The following ANKS1B variants were observed in gnomAD, a reference collection of about 807,000 sequenced individuals.
ANKS1B encodes the protein ankyrin repeat and sterile alpha motif domain-containing protein 1B.
In ANKS1B, 36 loss-of-function variants were observed where a neutral mutation model predicts 148.3. The observed-to-expected ratio is 0.24, with a 90% CI of 0.19 to 0.32. The LOEUF is 0.32. Among genes scored for constraint, ANKS1B ranks in the 10% least tolerant of loss-of-function variants. ANKS1B has a pLI of 1.00. For missense variants in ANKS1B, 1,157 were observed against 1,542.6 expected, an observed-to-expected ratio of 0.75 and a Z score of 4.19; for synonymous variants, 542 against 560.8, an observed-to-expected ratio of 0.97 and a Z score of 0.47.
intron 1 of ANKS1B, among the ~76,000 whole-genome samples, chr12:99,830,195 C>G (rs906050773): frequency 5.3e-5 from 8 of 152,186 alleles, no homozygotes; most frequent in African/African-American, 1.7e-4. Flanking sequence ...GATATCATCT[C>G]TTCCTCCAAA....
At chr12:99,360,485 T>G (rs1445543850) in intron 12 of ANKS1B, among the ~76,000 whole-genome samples, 2 of 152,156 alleles carry the variant, frequency 1.3e-5, no homozygotes, top group Non-Finnish European at 2.9e-5. Flanking sequence ...TCACAGCTTC[T>G]CTGTGGACAA....
At chr12:99,615,767 A>G (rs573426293) in intron 9 of ANKS1B, among the ~76,000 whole-genome samples, 1 of 152,318 alleles carries the variant, frequency 6.6e-6, no homozygotes, top group East Asian at 1.9e-4. Flanking sequence ...ACTCCTATGC[A>G]ACACAGTATT....
At chr12:99,182,536 G>A (rs1392614624) in intron 14 of ANKS1B, among the ~76,000 whole-genome samples, 1 of 152,084 alleles carries the variant, frequency 6.6e-6, no homozygotes, top group Non-Finnish European at 1.5e-5. Flanking sequence ...TTGTGTATAT[G>A]TATTACATTT....
intron 22 of ANKS1B, among the ~76,000 whole-genome samples, chr12:98,798,283 G>A (rs940412746): frequency 6.6e-6 from 1 of 151,990 alleles, no homozygotes; most frequent in Non-Finnish European, 1.5e-5. Context: ...CACCATGCCT[G>A]GCTAATTTTT....
At chr12:99,778,015 C>T (rs1334073541) in intron 6 of ANKS1B, among the ~76,000 whole-genome samples, 1 of 151,342 alleles carries the variant, frequency 6.6e-6, no homozygotes, top group East Asian at 2.0e-4. Context: ...TGGCTAACAT[C>T]GTGAAACTCC....
intron 8 of ANKS1B, among the ~76,000 whole-genome samples, chr12:99,736,373 A>AAAC (rs1555576620): frequency 1.3e-4 from 19 of 151,692 alleles, no homozygotes; most frequent in Admixed American, 7.9e-4. Context: ...ACAAAAAAAA[A>AAAC]CTCTTCAAAC....
At chr12:98,992,043 TG>T (rs1158508444) in intron 17 of ANKS1B, among the ~76,000 whole-genome samples, 1 of 152,168 alleles carries the variant, frequency 6.6e-6, no homozygotes, top group Non-Finnish European at 1.5e-5. Context: ...TTGTAGAGAA[TG>T]GGGCAGGGGT....
intron 19 of ANKS1B, among the ~76,000 whole-genome samples, chr12:98,816,740 T>A (rs990884729): frequency 6.6e-6 from 1 of 152,198 alleles, no homozygotes; most frequent in African/African-American, 2.4e-5. Flanking sequence ...TTGCTTTTAA[T>A]CAACGTTTAT....
chr12:99,285,067 T>C (rs2078950900), intron 12 of ANKS1B, among the ~76,000 whole-genome samples: 1 of 152,204 alleles, frequency 6.6e-6, no homozygotes, highest in Non-Finnish European at 1.5e-5. Flanking sequence ...AATTGGCATA[T>C]CTATCATCCA....
rs879173702 is a variant in ANKS1B, at chr12:99,369,791, T to TAGACGGACGGAC, written c.1756+29839_1756+29840insGTCCGTCCGTCT. On this transcript the variant is annotated intron_variant, in intron 12 of 26. Coordinates refer to ENST00000683438, the MANE Select transcript of ANKS1B (RefSeq NM_001352186.2). ...ATAGATAGATAGATAGATAGATAGA[T>TAGACGGACGGAC]GGACGGACGGACAGACGGACGGACG... is the stretch of plus-strand genomic sequence containing the variant. 3.1e-4 allele frequency among the ~76,000 whole-genome samples: 46 copies of TAGACGGACGGAC among 148,892 alleles called. 2 individuals are homozygous for TAGACGGACGGAC. The highest frequency in any genetic ancestry group is 9.4e-4 in the Admixed American group (14 of 14,942).
intron 9 of ANKS1B, among the ~76,000 whole-genome samples, chr12:99,599,009 G>A (rs2153276256): frequency 6.6e-6 from 1 of 151,898 alleles, no homozygotes. Flanking sequence ...GCATCCCCTG[G>A]CTTGTAATCA....
At chr12:99,795,818 C>T (rs2066181759) in intron 4 of ANKS1B, among the ~76,000 whole-genome samples, 1 of 151,998 alleles carries the variant, frequency 6.6e-6, no homozygotes, top group Admixed American at 6.6e-5. Context: ...AAATTCAAGG[C>T]CTTTTCCATC....
chr12:99,162,567 C>A (rs1446616008), intron 14 of ANKS1B, among the ~76,000 whole-genome samples: 2 of 152,028 alleles, frequency 1.3e-5, no homozygotes, highest in Admixed American at 1.3e-4. Context: ...CATCCATCCT[C>A]CCTGCAAGGT....
intron 12 of ANKS1B, among the ~76,000 whole-genome samples, chr12:99,325,975 A>T (rs1227245431): frequency 6.6e-6 from 1 of 152,106 alleles, no homozygotes; most frequent in Non-Finnish European, 1.5e-5. Context: ...GGTGAAGAGA[A>T]AGCAAAGCAC....
rs527584436 is a variant in ANKS1B at position 99,484,535 on chromosome 12, C to T, written c.1438+19941G>A. Reference sequence around the variant, plus strand: ...TGTTGTATTATGCCATTTAAGTCCACCGTTTCTTTGTTGATTTTACGTCTC... The same window carrying T: ...TGTTGTATTATGCCATTTAAGTCCATCGTTTCTTTGTTGATTTTACGTCTC... On this transcript the variant is annotated intron_variant, in intron 10 of 26. Coordinates refer to ENST00000683438, the MANE Select transcript of ANKS1B (RefSeq NM_001352186.2). 3.9e-5 allele frequency among the ~76,000 whole-genome samples: 6 copies of T among 151,918 alleles called. 1 individual carries two copies. The highest frequency in any genetic ancestry group is 1.2e-4 in the African/African-American group (5 of 41,494).
chr12:99,563,987 G>A (rs2097363506), intron 9 of ANKS1B, among the ~76,000 whole-genome samples: 1 of 152,082 alleles, frequency 6.6e-6, no homozygotes, highest in African/African-American at 2.4e-5. Context: ...TTAATGATAT[G>A]TTTTCTACAT....
chr12:99,124,492 C>A (rs2063767235), intron 15 of ANKS1B, among the ~76,000 whole-genome samples: 1 of 151,536 alleles, frequency 6.6e-6, no homozygotes. Flanking sequence ...TTCTGTGAGA[C>A]ATCTAAGTGG....
chr12:99,255,104 T>C (rs2075102326), intron 12 of ANKS1B, among the ~76,000 whole-genome samples: 1 of 152,218 alleles, frequency 6.6e-6, no homozygotes. Flanking sequence ...ATATTTACTT[T>C]ACCTTTAAAA....
chr12:99,760,459 C>A (rs10860516), intron 8 of ANKS1B, among the ~76,000 whole-genome samples: 3 of 151,482 alleles, frequency 2.0e-5, no homozygotes. Context: ...GTTTTGGGTA[C>A]GCAATGAAAT....
Sources: gnomAD v4.1 joint callset for allele counts (sites outside exome capture counted in the v4.1 genomes callset) on GRCh38, gnomAD v4.1.1 for gene constraint, MANE v1.5 for transcripts, NCBI Gene and HGNC (gene_info 2026-07-23, HGNC 2026-07-21) for gene names.